The following SLC38A10 variants were observed in gnomAD, a reference collection of about 807,000 sequenced individuals.
The protein encoded by SLC38A10 is Sodium-coupled neutral amino acid transporter 10.
In SLC38A10, 53 loss-of-function variants were observed where a neutral mutation model predicts 81.0. That is an observed-to-expected ratio of 0.65 (90% confidence interval 0.53 to 0.82). The LOEUF (loss-of-function observed/expected upper bound fraction) is 0.82. Ranked by LOEUF, SLC38A10 falls within the 40% of genes least tolerant of loss-of-function variation. The pLI, the probability that SLC38A10 is intolerant of heterozygous loss-of-function variation, is 0.00. For missense variants in SLC38A10, 1,471 were observed against 1,545.0 expected (o/e 0.95, Z 0.80); for synonymous variants, 665 against 655.3 (o/e 1.01, Z -0.23).
intron 10 of SLC38A10, among the ~76,000 whole-genome samples, chr17:81,262,394 G>A (rs1203116925): frequency 2.0e-5 from 3 of 150,810 alleles, no homozygotes; most frequent in African/African-American, 7.3e-5. Flanking sequence ...ACAGGAGACT[G>A]TGTTGTCTGG....
At position 81,272,125 on chromosome 17, in the gene SLC38A10, C is replaced by T. The variant is rs763562432; in HGVS notation, c.1024+391G>A. On this transcript the variant is annotated intron_variant, in intron 9 of 15. Transcript: ENST00000374759. Reference sequence around the variant, plus strand: ...TTGGCTCACTGCAAACTCCTCCTCCCGGGTTCAAGTGATTCTTTTGCCTCA... The same window carrying T: ...TTGGCTCACTGCAAACTCCTCCTCCTGGGTTCAAGTGATTCTTTTGCCTCA... 4.9e-4 allele frequency among the ~76,000 whole-genome samples: 75 copies of T among 152,036 alleles called. 1 individual carries two copies. The highest frequency in any genetic ancestry group is 2.6e-4 in the Admixed American group (4 of 15,262).
chr17:81,290,743 C>G (rs1056563055), intron 1 of SLC38A10, among the ~76,000 whole-genome samples: 2 of 152,158 alleles, frequency 1.3e-5, no homozygotes, highest in African/African-American at 4.8e-5. Context: ...CACGGTGGCT[C>G]ACACCTGTAA....
chr17:81,271,163 G>A (rs2063112530), intron 9 of SLC38A10, 139 bp from the exon 10 acceptor site: 9 of 674,294 alleles, frequency 1.3e-5, no homozygotes, highest in Middle Eastern at 5.2e-4. Flanking sequence ...GAGCAGAGAC[G>A]CCCTCTGTGC....
chr17:81,249,122 T>C (rs938998752), intron 14 of SLC38A10, among the ~76,000 whole-genome samples: 8 of 143,206 alleles, frequency 5.6e-5, no homozygotes, highest in African/African-American at 1.8e-4. Flanking sequence ...GCAGGCACCA[T>C]GGCCTCACTT....
intron 11 of SLC38A10, among the ~76,000 whole-genome samples, chr17:81,255,422 G>A (rs1482033123): frequency 1.3e-5 from 2 of 152,222 alleles, no homozygotes; most frequent in South Asian, 2.1e-4. Flanking sequence ...AAAAACGTCC[G>A]AGTGCTGCCA....
Position 81,246,167 on chromosome 17 carries a change from G to T in SLC38A10, c.2749C>A (p.Pro917Thr). 1 of 1,612,052 alleles carries T rather than the reference G, an allele frequency of 6.2e-7. No homozygotes were observed. The highest frequency in any genetic ancestry group is 8.5e-7 in the Non-Finnish European group (1 of 1,179,924). ...LKEANWLVAGPGAETGDPRMK... is the reference protein window; with the variant it reads ...LKEANWLVAGTGAETGDPRMK... ...CGAGGGTCCCCCGTCTCTGCTCCTG[G>T]CCCTGCCACGAGCCAGTTGGCTTCC... Residue 917 changes from proline (P) to threonine (T), a missense_variant, in exon 16 of 16, where the codon CCA becomes ACA. By Grantham distance (38) the Pro-to-Thr change is conservative. Around this residue, in one of 2 missense-constraint regions of SLC38A10, gnomAD observed 751 missense variants for 717.4 expected, o/e 1.05. Transcript: ENST00000374759.
intron 11 of SLC38A10, among the ~76,000 whole-genome samples, chr17:81,255,565 T>C (rs1246549819): frequency 1.3e-5 from 2 of 152,116 alleles, no homozygotes; most frequent in African/African-American, 4.8e-5. Context: ...TTTCTTCTCC[T>C]AGAAGGCCAG....
intron 10 of SLC38A10, among the ~76,000 whole-genome samples, chr17:81,269,865 G>A (rs1159413704): frequency 6.6e-6 from 1 of 152,140 alleles, no homozygotes; most frequent in Non-Finnish European, 1.5e-5. Flanking sequence ...TCAGGAGGCT[G>A]AGGCAGGAGA....
At position 81,281,222 on chromosome 17, in the gene SLC38A10, G is replaced by A. The variant is rs2063209912; in HGVS notation, c.502-489C>T. Among the ~76,000 whole-genome samples the A allele has an allele frequency of 2.0e-5, 3 of 152,214 alleles. No individual in the cohort carries two copies. The South Asian group carries it at 6.2e-4, about 31-fold the overall frequency. On this transcript the variant is annotated intron_variant, in intron 5 of 15. Coordinates refer to ENST00000374759, the MANE Select transcript of SLC38A10 (RefSeq NM_001037984.3). This position sits in a 1 kb window ranked among gnomAD's most constrained non-coding sequence, Gnocchi z 5.3. ...TCACTCGGAGAGCTGAGGAGCACTG[G>A]AGACCCTGGCTTCAATGACCACCTG...
rs940326764 is a variant in SLC38A10, at chr17:81,251,557, G to C, written c.2001C>G (p.Pro667=). 1.3e-5 allele frequency: 20 copies of C among 1,510,160 alleles called. 1 individual carries two copies. The highest frequency in any genetic ancestry group is 1.8e-5 in the Non-Finnish European group (20 of 1,134,488). The allele number at this position is 1,510,160 out of a possible 1,614,324, so 93.5% of individuals were successfully genotyped here. ...EKPAPGPGLP[P]EPREQRDVER... is the part of the protein sequence containing the mutation. ...CCACGTCCCTCTGCTCGCGAGGCTC[G>C]GGCGGCAGCCCAGGCCCTGGAGCCG... The change falls in exon 14 of 16, where the codon CCC becomes CCG. Residue 667 remains proline, a synonymous_variant. Transcript: ENST00000374759.
intron 13 of SLC38A10, chr17:81,251,840 G>C (rs145357113): frequency 5.5e-5 from 29 of 530,916 alleles, no homozygotes; most frequent in African/African-American, 5.3e-4. Flanking sequence ...AACTGCCTTC[G>C]CAATTAAAAT....
intron 13 of SLC38A10, 83 bp from the exon 14 acceptor site, chr17:81,251,695 G>C: frequency 7.2e-7 from 1 of 1,379,900 alleles, no homozygotes; most frequent in Non-Finnish European, 9.4e-7. Context: ...AGGCAAGGGC[G>C]GGACAAAAGG....
chr17:81,260,404 C>CA lies in SLC38A10; in HGVS notation c.1132-11dup. 1 of 1,608,192 alleles carries CA rather than the reference C, an allele frequency of 6.2e-7. No individual in the cohort carries two copies. The highest frequency in any genetic ancestry group is 1.1e-5 in the South Asian group (1 of 90,528). ...CGACCCACAGCACCACCTGAGGAGA[C>CA]AAAGACCCCAGGGGCGGGAGTCACA... On this transcript the variant is annotated splice_polypyrimidine_tract_variant and intron_variant, in intron 10 of 15. Transcript: ENST00000374759.
At position 81,257,625 on chromosome 17, in the gene SLC38A10, T is replaced by C. The variant is rs188083746; in HGVS notation, c.1288+2613A>G. On this transcript the variant is annotated intron_variant, in intron 11 of 15. Transcript: ENST00000374759. ...TGCCTCCACGCATGGGGGCTGTGTG[T>C]CCCCGCTTGGGCCTGAGCACACAGA... is the stretch of plus-strand genomic sequence containing the variant. Among the ~76,000 whole-genome samples, 231 of 152,296 alleles carry C rather than the reference T, an allele frequency of 1.5e-3. 1 individual carries two copies. The highest frequency in any genetic ancestry group is 4.2e-3 in the African/African-American group (174 of 41,566).
chr17:81,271,210 A>C (rs1223096949), intron 9 of SLC38A10, among the ~76,000 whole-genome samples, 186 bp from the exon 10 acceptor site: 1 of 152,236 alleles, frequency 6.6e-6, no homozygotes, highest in Non-Finnish European at 1.5e-5. Context: ...TTCCTCCAAC[A>C]GTGCATTTAG....
Position 81,295,196 on chromosome 17 carries a change from G to T in SLC38A10, c.-275C>A. On this transcript the variant is annotated 5_prime_UTR_variant, in exon 1 of 16. Coordinates refer to ENST00000374759, the MANE Select transcript of SLC38A10 (RefSeq NM_001037984.3). ...GCCGCCTCAGGGCCATGCGTCCCTC[G>T]CTCGGCCTCGCGGGCCGCCTGTGAA... 1 of 228,664 alleles carries T rather than the reference G, an allele frequency of 4.4e-6. No homozygotes were observed. The highest frequency in any genetic ancestry group is 7.9e-6 in the Non-Finnish European group (1 of 125,858). The allele number at this position is 228,664 out of a possible 1,614,324, so 14.2% of individuals were successfully genotyped here. A position where few individuals can be genotyped will look rare whatever the true frequency, so the allele number is the denominator to read the frequency against.
chr17:81,261,922 C>A (rs1474400415), intron 10 of SLC38A10, among the ~76,000 whole-genome samples: 1 of 152,202 alleles, frequency 6.6e-6, no homozygotes, highest in African/African-American at 2.4e-5. Flanking sequence ...GGCTCGACGG[C>A]CCACAGAGCT....
At chr17:81,280,946 C>A (rs1225583272) in intron 5 of SLC38A10, among the ~76,000 whole-genome samples, 2 of 152,216 alleles carry the variant, frequency 1.3e-5, no homozygotes, top group Non-Finnish European at 2.9e-5. Flanking sequence ...CCAACCCCTG[C>A]CTCAGAGCAC....
At chr17:81,282,405 G>T in intron 4 of SLC38A10, 73 bp from the exon 5 acceptor site, 1 of 1,532,232 alleles carries the variant, frequency 6.5e-7, no homozygotes, top group South Asian at 1.2e-5. Flanking sequence ...CACTGACAGG[G>T]AGTGGGAGCG....
Sources: allele counts gnomAD v4.1 joint callset (sites outside exome capture counted in the v4.1 genomes callset), GRCh38; gene constraint gnomAD v4.1.1; regional missense constraint gnomAD v4.1.1; non-coding constraint Gnocchi (gnomAD v3.1); transcripts MANE v1.5; gene names NCBI Gene and HGNC (gene_info 2026-07-23, HGNC 2026-07-21).